DENND3: variants seen among roughly 807,000 people sequenced by gnomAD.
DENND3 encodes the protein DENN domain containing 3.
In DENND3, 88 loss-of-function variants were observed where a neutral mutation model predicts 135.1. The observed-to-expected ratio is 0.65, with a 90% CI of 0.55 to 0.78. The LOEUF (loss-of-function observed/expected upper bound fraction) is 0.78, where lower values mean the gene tolerates loss of function less well. DENND3 is among the 30% of genes least tolerant of loss of function. The probability of loss-of-function intolerance (pLI) is 0.00; values close to 1 mark genes in which losing one functional copy is unlikely to be tolerated. For synonymous variants in DENND3, 693 were observed against 712.3 expected, an observed-to-expected ratio of 0.97 and a Z score of 0.43; for missense variants, 1,392 against 1,688.4, an observed-to-expected ratio of 0.82 and a Z score of 3.08.
At chr8:141,134,161 C>T (rs1816489040) in intron 1 of DENND3, among the ~76,000 whole-genome samples, 1 of 152,030 alleles carries the variant, frequency 6.6e-6, no homozygotes, top group Non-Finnish European at 1.5e-5. Context: ...TTAGTTGGGT[C>T]AGAACTGTCC....
chr8:141,185,332 A>G (rs1490216153), intron 18 of DENND3, 54 bp downstream of exon 18: 3 of 1,608,590 alleles, frequency 1.9e-6, no homozygotes, highest in Non-Finnish European at 1.7e-6. Context: ...GATTTCTGAA[A>G]CCCAAGTGTG....
At chr8:141,190,703 C>A in intron 20 of DENND3, 1 of 354,132 alleles carries the variant, frequency 2.8e-6, no homozygotes, top group Non-Finnish European at 5.1e-6. Flanking sequence ...TTTTGCTGTG[C>A]CCTGCTCTGG....
intron 11 of DENND3, among the ~76,000 whole-genome samples, chr8:141,165,494 C>T (rs1276928267): frequency 6.8e-6 from 1 of 147,892 alleles, no homozygotes; most frequent in Non-Finnish European, 1.5e-5. Flanking sequence ...GACGGAGTCT[C>T]GCTCTTGTTG....
rs933584310 is a variant in DENND3 at position 141,130,985 on chromosome 8, G to A, written c.102+2176G>A. Among the ~76,000 whole-genome samples the A allele has an allele frequency of 3.3e-5, 5 of 152,104 alleles. No individual in the cohort carries two copies. Among genetic ancestry groups the A allele is most frequent in the East Asian group, 3.9e-4 (2 of 5,174 alleles). The stretch of plus-strand genomic sequence containing the variant: ...TAGGTGTGAGCCACCGCACCTGGCC[G>A]CTTTTAAATAATTTTTACCTTGACT... On this transcript the variant is annotated intron_variant, in intron 1 of 22. Coordinates refer to ENST00000519811, the MANE Select transcript of DENND3 (RefSeq NM_001352890.3). This position sits in a 1 kb window ranked among gnomAD's most constrained non-coding sequence, Gnocchi z 4.2.
intron 13 of DENND3, among the ~76,000 whole-genome samples, chr8:141,170,143 C>T (rs569105196): frequency 6.6e-6 from 1 of 152,212 alleles, no homozygotes; most frequent in Non-Finnish European, 1.5e-5. Flanking sequence ...GGTTTCTTTT[C>T]TGTGAGCTGT....
rs1815439425 is a variant in DENND3 at position 141,128,595 on chromosome 8, G to A, written c.-113G>A. ...CCGCCTCCAGCCCCGCCCCGCAGAC[G>A]GCGCTCGCAGCGCCCCCGGCCCCCA... On this transcript the variant is annotated 5_prime_UTR_variant, in exon 1 of 23. Coordinates refer to ENST00000519811, the MANE Select transcript of DENND3 (RefSeq NM_001352890.3). This position sits in a 1 kb window ranked among gnomAD's most constrained non-coding sequence, Gnocchi z 4.5. 5 of 479,020 alleles carry A rather than the reference G, an allele frequency of 1.0e-5. No individual in the cohort carries two copies. Among genetic ancestry groups the A allele is most frequent in the Non-Finnish European group, 1.5e-5 (5 of 340,310 alleles). 29.7% of individuals were successfully genotyped at this position (479,020 alleles called of 1,614,324 possible).
chr8:141,141,387 G>C lies in DENND3; in HGVS notation c.623+63G>C, dbSNP rs977898479. The C allele has an allele frequency of 1.7e-5, 27 of 1,576,606 alleles. No individual in the cohort carries two copies. In the East Asian group the frequency reaches 6.3e-4, roughly 37 times the overall value. ...CAGCTCTTTGTGCCTCTCCAGGTGA[G>C]CCAAGGGACCAGGGGGCTGGAGGTG... On this transcript the variant is annotated intron_variant, in intron 4 of 22. Transcript: ENST00000519811. The surrounding 1 kb of genome is among the most constrained non-coding windows in gnomAD (Gnocchi z 5.3).
chr8:141,128,866 A>T lies in DENND3; in HGVS notation c.102+57A>T. On this transcript the variant is annotated intron_variant, in intron 1 of 22. Coordinates refer to ENST00000519811, the MANE Select transcript of DENND3 (RefSeq NM_001352890.3). This position sits in a 1 kb window ranked among gnomAD's most constrained non-coding sequence, Gnocchi z 4.5. ...GCCACGAGTCGGCAGCCGGGACAGC[A>T]GTCGGAGAGCGGGCGCCCGGGTGCC... 7.8e-7 allele frequency: 1 copy of T among 1,279,780 alleles called. No homozygotes were observed. The highest frequency in any genetic ancestry group is 1.0e-6 in the Non-Finnish European group (1 of 985,498). The allele number at this position is 1,279,780 out of a possible 1,614,324, so 79.3% of individuals were successfully genotyped here. A position where few individuals can be genotyped will look rare whatever the true frequency, so the allele number is the denominator to read the frequency against.
At position 141,182,610 on chromosome 8, in the gene DENND3, C is replaced by A; in HGVS notation, c.2944+1756C>A. ...ATCTCGAAGGCCTGCAGAGAGCGTG[C>A]AAAGCAGCCGTGGGGAATGGGGAAA... On this transcript the variant is annotated intron_variant, in intron 17 of 22. Coordinates refer to ENST00000519811, the MANE Select transcript of DENND3 (RefSeq NM_001352890.3). This position sits in a 1 kb window ranked among gnomAD's most constrained non-coding sequence, Gnocchi z 5.9. 1.8e-6 allele frequency: 1 copy of A among 553,740 alleles called. No individual in the cohort carries two copies. Among genetic ancestry groups the A allele is most frequent in the Non-Finnish European group, 2.3e-6 (1 of 436,512 alleles). The allele number at this position is 553,740 out of a possible 1,614,324, so 34.3% of individuals were successfully genotyped here.
intron 5 of DENND3, chr8:141,150,379 A>G: frequency 1.7e-6 from 2 of 1,196,702 alleles, no homozygotes; most frequent in Non-Finnish European, 2.2e-6. Flanking sequence ...TCTTTCTTAA[A>G]ATTTGAAATG....
intron 7 of DENND3, 122 bp from the exon 8 acceptor site, chr8:141,155,727 G>C: frequency 7.8e-7 from 1 of 1,284,014 alleles, no homozygotes; most frequent in South Asian, 1.6e-5. Flanking sequence ...TTTTAAAGAG[G>C]GTCATTTAAT....
chr8:141,191,782 CCTT>C (rs1188259531), intron 20 of DENND3: 1 of 152,812 alleles, frequency 6.5e-6, no homozygotes, highest in Non-Finnish European at 1.5e-5. Flanking sequence ...CAACGGTTGT[CCTT>C]CTTCCCCTCA....
intron 13 of DENND3, among the ~76,000 whole-genome samples, chr8:141,169,845 A>C (rs1037793896): frequency 3.3e-5 from 5 of 152,114 alleles, no homozygotes; most frequent in Non-Finnish European, 5.9e-5. Flanking sequence ...GGGTTCATTC[A>C]CTTCAACCAC....
At position 141,139,452 on chromosome 8, in the gene DENND3, T is replaced by A. The variant is rs1817187910; in HGVS notation, c.501+1315T>A. Among the ~76,000 whole-genome samples, 1 of 152,150 alleles carries A rather than the reference T, an allele frequency of 6.6e-6. No individual in the cohort carries two copies. Among genetic ancestry groups the A allele is most frequent in the African/African-American group, 2.4e-5 (1 of 41,422 alleles). On this transcript the variant is annotated intron_variant, in intron 3 of 22. Coordinates refer to ENST00000519811, the MANE Select transcript of DENND3 (RefSeq NM_001352890.3). This position sits in a 1 kb window ranked among gnomAD's most constrained non-coding sequence, Gnocchi z 4.2. Reference sequence around the variant, plus strand: ...CAGTGTGCCAAGAGCAGAACCAAGGTCAGCTCTCGGGCGGTGCATGCAGGG... The same window carrying A: ...CAGTGTGCCAAGAGCAGAACCAAGGACAGCTCTCGGGCGGTGCATGCAGGG...
rs1324179290 is a variant in DENND3, at chr8:141,174,899, A to T, written c.2276-301A>T. 6.6e-6 allele frequency among the ~76,000 whole-genome samples: 1 copy of T among 152,098 alleles called. No individual in the cohort carries two copies. Among genetic ancestry groups the T allele is most frequent in the Non-Finnish European group, 1.5e-5 (1 of 67,988 alleles). On this transcript the variant is annotated intron_variant, in intron 13 of 22. Coordinates refer to ENST00000519811, the MANE Select transcript of DENND3 (RefSeq NM_001352890.3). This position sits in a 1 kb window ranked among gnomAD's most constrained non-coding sequence, Gnocchi z 4.6. ...CTTGTCCGGAAGGACTTTCCTACCCAAAGGTAAGAGTTGCTGTGACTACCT... is the reference window on the plus strand; with the variant it reads ...CTTGTCCGGAAGGACTTTCCTACCCTAAGGTAAGAGTTGCTGTGACTACCT...
intron 17 of DENND3, among the ~76,000 whole-genome samples, chr8:141,183,132 G>A (rs1422161476): frequency 6.6e-6 from 1 of 152,182 alleles, no homozygotes; most frequent in East Asian, 1.9e-4. Context: ...AGACTTCTAG[G>A]TGATAGGGTA....
intron 17 of DENND3, 47 bp from the exon 18 acceptor site, chr8:141,185,092 A>C: frequency 6.3e-7 from 1 of 1,581,892 alleles, no homozygotes. Flanking sequence ...CTGCTGCTAC[A>C]GCAGAAGTGT....
Position 141,139,491 on chromosome 8 carries a change from C to T in DENND3, c.501+1354C>T, listed in dbSNP as rs1263037422. ...GTGCATGCAGGGGACCAGCGTCCGC[C>T]TCTGTGACCTGGCTGCCAGCAGCCC... On this transcript the variant is annotated intron_variant, in intron 3 of 22. Transcript: ENST00000519811. This position sits in a 1 kb window ranked among gnomAD's most constrained non-coding sequence, Gnocchi z 4.2. 2.0e-5 allele frequency among the ~76,000 whole-genome samples: 3 copies of T among 152,206 alleles called. No homozygotes were observed. The highest frequency in any genetic ancestry group is 4.8e-5 in the African/African-American group (2 of 41,464).
rs188285107 is a variant in DENND3 at position 141,135,156 on chromosome 8, T to C, written c.103-1353T>C. Among the ~76,000 whole-genome samples, 1,098 of 148,572 alleles carry C rather than the reference T, an allele frequency of 7.4e-3. 8 individuals are homozygous for C. Among genetic ancestry groups the C allele is most frequent in the Admixed American group, 0.021 (311 of 14,912 alleles). On this transcript the variant is annotated intron_variant, in intron 1 of 22. Coordinates refer to ENST00000519811, the MANE Select transcript of DENND3 (RefSeq NM_001352890.3). ...CAGCTCTTTCTTTCTTTCTTTCTTT[T>C]TTTTTTTTTTTTTGAGACCAGGTCT...
Sources: allele counts gnomAD v4.1 joint callset (sites outside exome capture counted in the v4.1 genomes callset), GRCh38; gene constraint gnomAD v4.1.1; non-coding constraint Gnocchi (gnomAD v3.1); transcripts MANE v1.5; gene names NCBI Gene and HGNC (gene_info 2026-07-23, HGNC 2026-07-21).